The following SHROOM3 variants were observed in gnomAD, a reference collection of about 807,000 sequenced individuals.
SHROOM3 encodes shroom family member 3, also known as protein Shroom3.
SHROOM3 carries 47 observed loss-of-function variants against 138.6 expected under a neutral mutation model. The ratio of observed to expected loss-of-function variants is 0.34; its 90% confidence interval spans 0.27 to 0.43. SHROOM3 has a LOEUF of 0.43. Ranked by LOEUF, SHROOM3 falls within the 20% of genes least tolerant of loss-of-function variation. The pLI is 1.00. For missense variants in SHROOM3, 2,491 were observed against 2,596.5 expected (o/e 0.96, Z 0.88); for synonymous variants, 1,062 against 1,063.3 (o/e 1.00, Z 0.02).
intron 2 of SHROOM3, among the ~76,000 whole-genome samples, chr4:76,613,875 C>T (rs1373268968): frequency 6.6e-6 from 1 of 152,264 alleles, no homozygotes; most frequent in Admixed American, 6.5e-5. Context: ...AATCACAGAG[C>T]TAGAAGGTCA....
rs538790172 is a variant in SHROOM3, at chr4:76,538,946, T to C, written c.169-16663T>C. ...ATCACTGTCATCATATTGGCCATCA[T>C]TGTTTAGTTACACTAATATAGTATA... is the stretch of plus-strand genomic sequence containing the variant. On this transcript the variant is annotated intron_variant, in intron 1 of 10. Coordinates refer to ENST00000296043, the MANE Select transcript of SHROOM3 (RefSeq NM_020859.4). Among the ~76,000 whole-genome samples the C allele has an allele frequency of 2.2e-4, 34 of 152,316 alleles. No homozygotes were observed. In the East Asian group the frequency reaches 6.4e-3, roughly 29 times the overall value.
At chr4:76,443,920 G>C (rs1031870643) in intron 1 of SHROOM3, among the ~76,000 whole-genome samples, 1 of 151,958 alleles carries the variant, frequency 6.6e-6, no homozygotes, top group South Asian at 2.1e-4. Flanking sequence ...TTTTCTTGGA[G>C]ATTTATGAGA....
intron 9 of SHROOM3, among the ~76,000 whole-genome samples, chr4:76,760,152 C>G (rs1407724299): frequency 6.6e-6 from 1 of 152,186 alleles, no homozygotes; most frequent in African/African-American, 2.4e-5. Flanking sequence ...AATGACACTT[C>G]TGAGAAAAAG....
rs1176493741 is a variant in SHROOM3 at position 76,584,071 on chromosome 4, T to C, written c.323+28308T>C. 2.6e-5 allele frequency among the ~76,000 whole-genome samples: 4 copies of C among 152,162 alleles called. No individual in the cohort carries two copies. The East Asian group carries it at 7.7e-4, about 29-fold the overall frequency. On this transcript the variant is annotated intron_variant, in intron 2 of 10. Transcript: ENST00000296043. ...GGCTCACGCCTATAATCCCAGCACTTTGGGAGGCTGAGGCGGGCAGATCAC... is the reference window on the plus strand; with the variant it reads ...GGCTCACGCCTATAATCCCAGCACTCTGGGAGGCTGAGGCGGGCAGATCAC...
At chr4:76,471,712 TA>T (rs988167194) in intron 1 of SHROOM3, among the ~76,000 whole-genome samples, 5 of 152,004 alleles carry the variant, frequency 3.3e-5, no homozygotes, top group Non-Finnish European at 7.4e-5. Context: ...CATCTAACAA[TA>T]AAAAAAATGG....
At chr4:76,728,324 C>T (rs967062958) in intron 3 of SHROOM3, among the ~76,000 whole-genome samples, 1 of 152,126 alleles carries the variant, frequency 6.6e-6, no homozygotes, top group Non-Finnish European at 1.5e-5. Context: ...CAAGTCTTTC[C>T]CATGCTGTTC....
chr4:76,479,471 A>G (rs1249194945), intron 1 of SHROOM3, among the ~76,000 whole-genome samples: 1 of 152,124 alleles, frequency 6.6e-6, no homozygotes, highest in Non-Finnish European at 1.5e-5. Flanking sequence ...TCCAAAAAAT[A>G]GGGGACTATG....
intron 2 of SHROOM3, among the ~76,000 whole-genome samples, chr4:76,693,970 A>AG (rs1719648348): frequency 1.3e-5 from 1 of 79,008 alleles, no homozygotes; most frequent in Admixed American, 1.2e-4. Context: ...AGATGTAGGT[A>AG]GAAAAAAAAA....
At chr4:76,510,486 A>G (rs1034848601) in intron 1 of SHROOM3, among the ~76,000 whole-genome samples, 6 of 152,216 alleles carry the variant, frequency 3.9e-5, no homozygotes, top group Non-Finnish European at 8.8e-5. Context: ...GATGGTGGTA[A>G]TAATAGTTGT....
At chr4:76,564,656 A>G (rs920465640) in intron 2 of SHROOM3, among the ~76,000 whole-genome samples, 17 of 152,170 alleles carry the variant, frequency 1.1e-4, no homozygotes, top group African/African-American at 3.9e-4. Flanking sequence ...GATAACTGCT[A>G]TTTTTATTCA....
chr4:76,651,167 G>A (rs1735948163), intron 2 of SHROOM3, among the ~76,000 whole-genome samples: 1 of 151,744 alleles, frequency 6.6e-6, no homozygotes, highest in South Asian at 2.1e-4. Flanking sequence ...AGGTAAGGAT[G>A]GTTAATGGGT....
intron 1 of SHROOM3, among the ~76,000 whole-genome samples, chr4:76,442,404 GTTTTTT>G (rs59712445): frequency 1.3e-4 from 15 of 112,348 alleles, no homozygotes; most frequent in South Asian, 3.2e-4. Context: ...GCCCTTTATA[GTTTTTT>G]TTTTTTTTTT....
chr4:76,746,407 A>G (rs1041756424), intron 5 of SHROOM3, among the ~76,000 whole-genome samples: 1 of 152,202 alleles, frequency 6.6e-6, no homozygotes, highest in Non-Finnish European at 1.5e-5. Flanking sequence ...TTGTATTGCA[A>G]CTGCCTACAG....
intron 1 of SHROOM3, among the ~76,000 whole-genome samples, chr4:76,438,065 A>T (rs372359987): frequency 7.2e-5 from 11 of 152,346 alleles, no homozygotes; most frequent in African/African-American, 2.6e-4. Flanking sequence ...AGGAGCAAAG[A>T]TTATGATTAT....
At chr4:76,757,308 A>G (rs1414195677) in intron 8 of SHROOM3, among the ~76,000 whole-genome samples, 3 of 152,186 alleles carry the variant, frequency 2.0e-5, no homozygotes, top group African/African-American at 7.2e-5. Flanking sequence ...AATTAAGACC[A>G]TGCTCACCAA....
At chr4:76,455,556 CTT>C (rs1359083535) in intron 1 of SHROOM3, among the ~76,000 whole-genome samples, 4 of 151,802 alleles carry the variant, frequency 2.6e-5, no homozygotes, top group African/African-American at 9.7e-5. Flanking sequence ...AAAAAGAACT[CTT>C]ATATATACAT....
At chr4:76,674,964 G>A (rs1370061622) in intron 2 of SHROOM3, among the ~76,000 whole-genome samples, 3 of 152,108 alleles carry the variant, frequency 2.0e-5, no homozygotes, top group African/African-American at 4.8e-5. Context: ...GGTTCATACC[G>A]GCTGCCAGGG....
At chr4:76,437,534 C>A (rs1358564852) in intron 1 of SHROOM3, among the ~76,000 whole-genome samples, 2 of 152,136 alleles carry the variant, frequency 1.3e-5, no homozygotes, top group African/African-American at 2.4e-5. Flanking sequence ...ATCTTCATTC[C>A]AGACAGGTTT....
At chr4:76,581,518 A>G (rs1734053716) in intron 2 of SHROOM3, among the ~76,000 whole-genome samples, 1 of 152,204 alleles carries the variant, frequency 6.6e-6, no homozygotes, top group South Asian at 2.1e-4. Flanking sequence ...TATGATACTA[A>G]GAAGCCTGGA....
Sources: gnomAD v4.1 joint callset for allele counts (sites outside exome capture counted in the v4.1 genomes callset) on GRCh38, gnomAD v4.1.1 for gene constraint, MANE v1.5 for transcripts, NCBI Gene and HGNC (gene_info 2026-07-23, HGNC 2026-07-21) for gene names.